Variants in CACNA2D3 observed in about 807,000 individuals in gnomAD.
CACNA2D3 encodes calcium voltage-gated channel auxiliary subunit alpha2delta 3.
Under a neutral mutation model 160.6 loss-of-function variants are expected in CACNA2D3, and 60 were observed. The observed-to-expected ratio is 0.37, with a 90% CI of 0.30 to 0.46. CACNA2D3 has a LOEUF of 0.46. Ranked by LOEUF, CACNA2D3 falls within the 20% of genes least tolerant of loss-of-function variation. The pLI is 1.00. For missense variants in CACNA2D3, 1,205 were observed against 1,365.0 expected (o/e 0.88, Z 1.85); for synonymous variants, 558 against 492.9 (o/e 1.13, Z -1.75).
chr3:54,825,013 T>C (rs759321261), intron 14 of CACNA2D3, among the ~76,000 whole-genome samples: 1 of 152,216 alleles, frequency 6.6e-6, no homozygotes, highest in African/African-American at 2.4e-5. Context: ...AAATCCAGTG[T>C]CTTCTTTCAA....
At chr3:54,505,369 G>A (rs988185149) in intron 5 of CACNA2D3, among the ~76,000 whole-genome samples, 2 of 152,128 alleles carry the variant, frequency 1.3e-5, no homozygotes, top group Non-Finnish European at 2.9e-5. Flanking sequence ...CATGGGCAGG[G>A]CCACAGTTCA....
chr3:54,364,936 A>C (rs1698804306), intron 3 of CACNA2D3, among the ~76,000 whole-genome samples: 1 of 152,238 alleles, frequency 6.6e-6, no homozygotes, highest in African/African-American at 2.4e-5. Flanking sequence ...CTTAGTATGT[A>C]CCATCTCATG....
chr3:54,228,818 G>A (rs1435370243), intron 2 of CACNA2D3, among the ~76,000 whole-genome samples: 1 of 152,216 alleles, frequency 6.6e-6, no homozygotes, highest in Non-Finnish European at 1.5e-5. Context: ...TGGAGTCTGG[G>A]TTTTCAATTT....
intron 12 of CACNA2D3, among the ~76,000 whole-genome samples, chr3:54,756,571 T>A (rs1315439313): frequency 6.6e-6 from 1 of 152,126 alleles, no homozygotes; most frequent in Non-Finnish European, 1.5e-5. Flanking sequence ...TGCAGTGAAA[T>A]GAAGCATTAG....
At chr3:54,234,824 CAAAG>C (rs993333771) in intron 2 of CACNA2D3, among the ~76,000 whole-genome samples, 3 of 152,008 alleles carry the variant, frequency 2.0e-5, no homozygotes, top group Non-Finnish European at 1.5e-5. Flanking sequence ...CTTAATAACA[CAAAG>C]AAGGGAACAA....
At chr3:55,060,879 G>A (rs1704491651) in intron 35 of CACNA2D3, among the ~76,000 whole-genome samples, 1 of 152,170 alleles carries the variant, frequency 6.6e-6, no homozygotes, top group Admixed American at 6.5e-5. Context: ...AGAAAACTGG[G>A]CCCCTCTTCC....
chr3:54,973,765 A>T (rs1023929752), intron 29 of CACNA2D3, among the ~76,000 whole-genome samples: 4 of 152,120 alleles, frequency 2.6e-5, no homozygotes, highest in Non-Finnish European at 4.4e-5. Flanking sequence ...TCTGCAATAA[A>T]TTTTTTCAAA....
chr3:54,976,355 T>G (rs1702391094), intron 29 of CACNA2D3, among the ~76,000 whole-genome samples: 1 of 143,496 alleles, frequency 7.0e-6, no homozygotes, highest in Non-Finnish European at 1.5e-5. Context: ...GGGGGAGAGA[T>G]AGCATTGGGA....
intron 11 of CACNA2D3, among the ~76,000 whole-genome samples, chr3:54,700,703 A>G (rs995873306): frequency 3.9e-5 from 6 of 152,230 alleles, no homozygotes; most frequent in African/African-American, 1.4e-4. Flanking sequence ...GTTATACTAT[A>G]GGAATATTAA....
At chr3:54,469,300 C>T (rs768721735) in intron 4 of CACNA2D3, among the ~76,000 whole-genome samples, 13 of 152,200 alleles carry the variant, frequency 8.5e-5, no homozygotes, top group Middle Eastern at 3.2e-3. Context: ...CTGGAGTGCA[C>T]CTCCAGCAAA....
At chr3:54,318,721 G>A (rs11923501) in intron 2 of CACNA2D3, among the ~76,000 whole-genome samples, 30,795 of 146,570 alleles carry the variant, frequency 0.21, 3,483 homozygotes, top group Middle Eastern at 0.28. Flanking sequence ...CTGAGACAAG[G>A]CCTTACTGTG....
chr3:54,996,016 A>G (rs1460196069), intron 31 of CACNA2D3, among the ~76,000 whole-genome samples: 1 of 152,200 alleles, frequency 6.6e-6, no homozygotes, highest in South Asian at 2.1e-4. Context: ...AGACAATGGA[A>G]GTAGGAACAT....
At chr3:54,669,869 G>C (rs1700127212) in intron 11 of CACNA2D3, among the ~76,000 whole-genome samples, 1 of 151,950 alleles carries the variant, frequency 6.6e-6, no homozygotes, top group Admixed American at 6.6e-5. Flanking sequence ...GGCTGGTCTT[G>C]AACTCCTGGG....
At chr3:54,951,266 C>T (rs1277529226) in intron 27 of CACNA2D3, among the ~76,000 whole-genome samples, 1 of 152,156 alleles carries the variant, frequency 6.6e-6, no homozygotes, top group Non-Finnish European at 1.5e-5. Context: ...GACATCTCAC[C>T]CACAAATCCT....
At chr3:54,964,512 C>T (rs146743221) in intron 27 of CACNA2D3, among the ~76,000 whole-genome samples, 43 of 152,148 alleles carry the variant, frequency 2.8e-4, no homozygotes, top group African/African-American at 1.0e-3. Flanking sequence ...AATCAATATA[C>T]TGTTACTGCT....
At chr3:54,247,270 T>C (rs1702099818) in intron 2 of CACNA2D3, among the ~76,000 whole-genome samples, 2 of 151,992 alleles carry the variant, frequency 1.3e-5, no homozygotes, top group South Asian at 4.2e-4. Flanking sequence ...GCCAAAATCA[T>C]ACCATTGCAC....
chr3:54,426,418 T>C (rs1177596846), intron 4 of CACNA2D3, among the ~76,000 whole-genome samples: 1 of 152,260 alleles, frequency 6.6e-6, no homozygotes, highest in East Asian at 1.9e-4. Context: ...GGTTGGGATA[T>C]TTTGGAATCA....
intron 27 of CACNA2D3, chr3:54,924,938 A>G (rs759277975): frequency 5.6e-6 from 9 of 1,612,114 alleles, no homozygotes; most frequent in Middle Eastern, 1.7e-4. Flanking sequence ...GCTGAAGCCC[A>G]TGGAAAGCTC....
chr3:54,122,611 A>G lies in CACNA2D3; in HGVS notation c.-103A>G, dbSNP rs1425335110. The stretch of plus-strand genomic sequence containing the variant: ...GCGAGAGGCAGGCGGGGCGGCGCGG[A>G]GCGGAGCAGGCAGCCCCGCGCGCTC... On this transcript the variant is annotated 5_prime_UTR_variant, in exon 1 of 38. Coordinates refer to ENST00000474759, the MANE Select transcript of CACNA2D3 (RefSeq NM_018398.3). 1.4e-6 allele frequency: 1 copy of G among 702,244 alleles called. No homozygotes were observed. The highest frequency in any genetic ancestry group is 2.3e-5 in the African/African-American group (1 of 44,380). The allele number at this position is 702,244 out of a possible 1,614,324, so 43.5% of individuals were successfully genotyped here. A position where few individuals can be genotyped will look rare whatever the true frequency, so the allele number is the denominator to read the frequency against.
Sources: allele counts gnomAD v4.1 joint callset (sites outside exome capture counted in the v4.1 genomes callset), GRCh38; gene constraint gnomAD v4.1.1; transcripts MANE v1.5; gene names NCBI Gene and HGNC (gene_info 2026-07-23, HGNC 2026-07-21).